PARD3: variants seen among roughly 807,000 people sequenced by gnomAD.
PARD3 encodes par-3 family cell polarity regulator.
A neutral mutation model predicts 155.4 loss-of-function variants in PARD3; 75 were observed. The ratio of observed to expected loss-of-function variants is 0.48; its 90% CI spans 0.40 to 0.58. The LOEUF (loss-of-function observed/expected upper bound fraction) is 0.58, where lower values mean the gene tolerates loss of function less well. PARD3 is among the 20% of genes least tolerant of loss of function. The pLI is 0.00. For missense variants in PARD3, 1,642 were observed against 1,721.7 expected (o/e 0.95, Z 0.82); for synonymous variants, 576 against 610.5 (o/e 0.94, Z 0.83).
intron 22 of PARD3, among the ~76,000 whole-genome samples, chr10:34,222,266 C>T (rs1952340746): frequency 6.6e-6 from 1 of 152,154 alleles, no homozygotes; most frequent in African/African-American, 2.4e-5. Flanking sequence ...CAAGCCCTCA[C>T]AAAGTATGTA....
At chr10:34,312,162 T>G in intron 20 of PARD3, 1 of 1,015,664 alleles carries the variant, frequency 9.8e-7, no homozygotes, top group Non-Finnish European at 1.4e-6. Flanking sequence ...ACCCCAAGCT[T>G]GAAATCAAGA....
At chr10:34,324,077 C>T (rs760311036) in intron 19 of PARD3, among the ~76,000 whole-genome samples, 15 of 152,182 alleles carry the variant, frequency 9.9e-5, no homozygotes, top group Non-Finnish European at 1.9e-4. Flanking sequence ...GAACAACATA[C>T]AAACTATTAT....
chr10:34,463,360 A>C, intron 4 of PARD3, among the ~76,000 whole-genome samples: 1 of 42,718 alleles, frequency 2.3e-5, no homozygotes, highest in Non-Finnish European at 4.2e-5. Flanking sequence ...GGGGAAGGGG[A>C]GGGGAGGGGA....
chr10:34,520,894 G>A (rs1425966534), intron 2 of PARD3, among the ~76,000 whole-genome samples: 2 of 152,168 alleles, frequency 1.3e-5, no homozygotes, highest in African/African-American at 4.8e-5. Context: ...TCTGCATGAA[G>A]ATTTTGGATT....
chr10:34,761,666 G>C (rs1271536452), intron 1 of PARD3, among the ~76,000 whole-genome samples: 1 of 152,108 alleles, frequency 6.6e-6, no homozygotes. Context: ...TGATTAAAAT[G>C]AGCAGATTAC....
At chr10:34,195,172 A>T (rs866412179) in intron 22 of PARD3, among the ~76,000 whole-genome samples, 10 of 152,252 alleles carry the variant, frequency 6.6e-5, no homozygotes, top group Non-Finnish European at 1.2e-4. Context: ...AACACAATTA[A>T]TCCAATGTTT....
At chr10:34,668,025 T>C (rs186929289) in intron 2 of PARD3, among the ~76,000 whole-genome samples, 14 of 151,998 alleles carry the variant, frequency 9.2e-5, no homozygotes, top group Non-Finnish European at 1.8e-4. Flanking sequence ...CTGCATGGAG[T>C]GAGGATGGAT....
chr10:34,550,500 A>G (rs1293800212), intron 2 of PARD3, among the ~76,000 whole-genome samples: 1 of 152,242 alleles, frequency 6.6e-6, no homozygotes, highest in Non-Finnish European at 1.5e-5. Context: ...GGCATGAGCC[A>G]TCTCGCCTGG....
At chr10:34,398,843 T>G (rs554794101) in intron 7 of PARD3, among the ~76,000 whole-genome samples, 2 of 152,214 alleles carry the variant, frequency 1.3e-5, no homozygotes, top group Admixed American at 6.5e-5. Context: ...ATCTATGGCT[T>G]GCCTAATTTT....
intron 2 of PARD3, among the ~76,000 whole-genome samples, chr10:34,581,735 T>C (rs2087508145): frequency 6.6e-6 from 1 of 152,150 alleles, no homozygotes. Context: ...ACCCAGGACT[T>C]GTCATCTCTT....
intron 3 of PARD3, among the ~76,000 whole-genome samples, chr10:34,499,579 T>G (rs983973458): frequency 1.3e-5 from 2 of 152,176 alleles, no homozygotes; most frequent in African/African-American, 2.4e-5. Flanking sequence ...TAAAGGAATC[T>G]GCTAAGATAT....
At chr10:34,222,574 G>A (rs1324905869) in intron 22 of PARD3, among the ~76,000 whole-genome samples, 5 of 152,236 alleles carry the variant, frequency 3.3e-5, no homozygotes, top group South Asian at 2.1e-4. Flanking sequence ...GAGAGAGAGA[G>A]ATCCATCTGG....
intron 2 of PARD3, among the ~76,000 whole-genome samples, chr10:34,520,394 T>C (rs1427755487): frequency 6.6e-6 from 1 of 151,992 alleles, no homozygotes; most frequent in African/African-American, 2.4e-5. Context: ...CTCAACCTTA[T>C]AATGAACAAC....
intron 5 of PARD3, among the ~76,000 whole-genome samples, chr10:34,404,900 G>A (rs148376385): frequency 3.6e-4 from 55 of 152,082 alleles, no homozygotes; most frequent in African/African-American, 9.4e-4. Flanking sequence ...CCTGGGCAAC[G>A]TAGCAAGACT....
At chr10:34,467,314 T>C (rs1432857625) in intron 4 of PARD3, among the ~76,000 whole-genome samples, 8 of 147,406 alleles carry the variant, frequency 5.4e-5, no homozygotes, top group Admixed American at 2.7e-4. Context: ...TATATGAACA[T>C]AGCATGACTC....
intron 23 of PARD3, among the ~76,000 whole-genome samples, chr10:34,130,553 A>C (rs1947552203): frequency 6.6e-6 from 1 of 152,122 alleles, no homozygotes; most frequent in Non-Finnish European, 1.5e-5. Flanking sequence ...CTCCCAAAGA[A>C]ATTCTTCAAA....
At chr10:34,354,763 G>A (rs894678555) in intron 14 of PARD3, among the ~76,000 whole-genome samples, 2 of 152,182 alleles carry the variant, frequency 1.3e-5, no homozygotes, top group African/African-American at 4.8e-5. Flanking sequence ...TGCAGGGGCT[G>A]TAGGGCACCG....
chr10:34,317,620 T>C (rs966716162), intron 19 of PARD3, among the ~76,000 whole-genome samples: 4 of 152,104 alleles, frequency 2.6e-5, no homozygotes, highest in African/African-American at 9.7e-5. Context: ...AAGAATCAGA[T>C]TGTACACTAC....
intron 3 of PARD3, among the ~76,000 whole-genome samples, chr10:34,509,397 C>A (rs1258841218): frequency 6.6e-6 from 1 of 152,136 alleles, no homozygotes; most frequent in Admixed American, 6.5e-5. Context: ...TCTCCATGGT[C>A]AACAGCCCCA....
Sources: allele counts gnomAD v4.1 joint callset (sites outside exome capture counted in the v4.1 genomes callset), GRCh38; gene constraint gnomAD v4.1.1; transcripts MANE v1.5; gene names NCBI Gene and HGNC (gene_info 2026-07-23, HGNC 2026-07-21).